PHACTR3: variants seen among roughly 807,000 people sequenced by gnomAD.
The protein encoded by PHACTR3 is protein phosphatase 1, regulatory subunit 123.
In PHACTR3, 16 loss-of-function variants were observed where a neutral mutation model predicts 66.8. That is an observed-to-expected ratio of 0.24 (90% CI 0.16 to 0.36). The LOEUF (loss-of-function observed/expected upper bound fraction) is 0.36. Among genes scored for constraint, PHACTR3 ranks in the 10% least tolerant of loss-of-function variants. PHACTR3 has a pLI of 1.00. For synonymous variants in PHACTR3, 323 were observed against 292.1 expected (o/e 1.11, Z -1.08); for missense variants, 647 against 719.9 (o/e 0.90, Z 1.16).
intron 5 of PHACTR3, among the ~76,000 whole-genome samples, chr20:59,772,415 G>A (rs1157402219): frequency 6.6e-6 from 1 of 152,204 alleles, no homozygotes; most frequent in African/African-American, 2.4e-5. Context: ...GAAACAGACT[G>A]GGCAGCGTGA....
chr20:59,614,397 C>T (rs2033959230), intron 1 of PHACTR3, among the ~76,000 whole-genome samples: 1 of 152,236 alleles, frequency 6.6e-6, no homozygotes, highest in Non-Finnish European at 1.5e-5. Flanking sequence ...AGAGAATCAG[C>T]TGTCTGTAGA....
At chr20:59,746,102 C>T (rs1325863457) in intron 2 of PHACTR3, among the ~76,000 whole-genome samples, 2 of 152,218 alleles carry the variant, frequency 1.3e-5, no homozygotes, top group African/African-American at 4.8e-5. Flanking sequence ...AATTCTGGCA[C>T]CTGGAAATTG....
At chr20:59,712,263 A>G (rs972473106) in intron 1 of PHACTR3, among the ~76,000 whole-genome samples, 1 of 152,178 alleles carries the variant, frequency 6.6e-6, no homozygotes, top group Non-Finnish European at 1.5e-5. Context: ...ATATCTGATT[A>G]TGATTCTGCT....
intron 5 of PHACTR3, among the ~76,000 whole-genome samples, chr20:59,768,698 GC>G (rs1248906831): frequency 6.6e-6 from 1 of 152,246 alleles, no homozygotes; most frequent in African/African-American, 2.4e-5. Flanking sequence ...CCAGCCCTTG[GC>G]TCTTTTCTGG....
intron 1 of PHACTR3, among the ~76,000 whole-genome samples, chr20:59,712,577 C>T (rs74513025): frequency 0.034 from 5,176 of 152,140 alleles, 139 homozygotes; most frequent in Non-Finnish European, 0.049. Flanking sequence ...TTCTTGAGGA[C>T]GGGACTCAAT....
chr20:59,623,180 C>T (rs751234865), intron 1 of PHACTR3, among the ~76,000 whole-genome samples: 2 of 151,768 alleles, frequency 1.3e-5, no homozygotes, highest in South Asian at 2.1e-4. Flanking sequence ...AAGTAGAACG[C>T]GCGCATGTTG....
chr20:59,753,159 A>C (rs546820991), intron 3 of PHACTR3, among the ~76,000 whole-genome samples: 1 of 152,050 alleles, frequency 6.6e-6, no homozygotes, highest in African/African-American at 2.4e-5. Context: ...AATTAAAAAA[A>C]AAAAATCAAG....
Position 59,847,469 on chromosome 20 carries a change from C to G in PHACTR3, c.*339C>G. 4.4e-6 allele frequency: 1 copy of G among 228,708 alleles called. No homozygotes were observed. The highest frequency in any genetic ancestry group is 8.4e-5 in the East Asian group (1 of 11,942). 14.2% of individuals were successfully genotyped at this position (228,708 alleles called of 1,614,324 possible). On this transcript the variant is annotated 3_prime_UTR_variant, in exon 13 of 13. Transcript: ENST00000371015. The stretch of plus-strand genomic sequence containing the variant: ...GACGGGCAACGTGCATGTGCAGGCT[C>G]ACCACTCCCAGGCCTCTGACATGAG...
At chr20:59,667,375 C>T (rs1255743168) in intron 1 of PHACTR3, among the ~76,000 whole-genome samples, 1 of 152,234 alleles carries the variant, frequency 6.6e-6, no homozygotes, top group Non-Finnish European at 1.5e-5. Context: ...GCATTTGCTC[C>T]AGTGTACTCT....
chr20:59,803,452 A>T (rs560525188), intron 7 of PHACTR3, among the ~76,000 whole-genome samples: 3 of 152,298 alleles, frequency 2.0e-5, no homozygotes, highest in Admixed American at 6.5e-5. Context: ...GAAACTATAT[A>T]AAAAATAAAA....
Position 59,604,878 on chromosome 20 carries a change from T to TG in PHACTR3, c.-137_-136insG. On this transcript the variant is annotated 5_prime_UTR_variant, in exon 1 of 13. Transcript: ENST00000371015. ...CTCCAGCTCGTTTCCTTTCCCGGCC[T>TG]TTTTTTTTTTTTTTTTTTTTTAATT... 1.7e-5 allele frequency: 3 copies of TG among 177,956 alleles called. No individual in the cohort carries two copies. Among genetic ancestry groups the TG allele is most frequent in the East Asian group, 5.1e-4 (2 of 3,912 alleles). The allele number at this position is 177,956 out of a possible 1,614,324, so 11.0% of individuals were successfully genotyped here. A position where few individuals can be genotyped will look rare whatever the true frequency, so the allele number is the denominator to read the frequency against.
At chr20:59,702,824 C>T (rs927564118) in intron 1 of PHACTR3, among the ~76,000 whole-genome samples, 2 of 152,196 alleles carry the variant, frequency 1.3e-5, no homozygotes, top group South Asian at 2.1e-4. Flanking sequence ...AGCACATCTC[C>T]AATGATGAGG....
intron 1 of PHACTR3, among the ~76,000 whole-genome samples, chr20:59,580,645 T>G (rs1254465046): frequency 1.3e-5 from 2 of 152,028 alleles, no homozygotes; most frequent in Non-Finnish European, 2.9e-5. Context: ...CAGCTGATGC[T>G]CATTAAAAGT....
chr20:59,680,531 A>G (rs1215939767), intron 1 of PHACTR3, among the ~76,000 whole-genome samples: 1 of 152,096 alleles, frequency 6.6e-6, no homozygotes, highest in Non-Finnish European at 1.5e-5. Flanking sequence ...CCCTCCTCCT[A>G]ACAGCCCTCA....
intron 8 of PHACTR3, among the ~76,000 whole-genome samples, chr20:59,818,239 C>G (rs1307699412): frequency 6.6e-6 from 1 of 152,206 alleles, no homozygotes; most frequent in Non-Finnish European, 1.5e-5. Flanking sequence ...CACCTCCTGA[C>G]ATGCGCCTTA....
intron 1 of PHACTR3, among the ~76,000 whole-genome samples, chr20:59,721,602 C>A (rs1344489251): frequency 6.6e-6 from 1 of 152,122 alleles, no homozygotes; most frequent in South Asian, 2.1e-4. Flanking sequence ...AGGCAAAGTG[C>A]GTGTAAAGTT....
chr20:59,634,651 C>T (rs963254596), intron 1 of PHACTR3, among the ~76,000 whole-genome samples: 3 of 152,210 alleles, frequency 2.0e-5, no homozygotes, highest in Non-Finnish European at 2.9e-5. Flanking sequence ...AAAAGAATCG[C>T]TGCTCCCTGC....
chr20:59,772,736 G>C (rs1181277377), intron 5 of PHACTR3, among the ~76,000 whole-genome samples: 1 of 152,212 alleles, frequency 6.6e-6, no homozygotes, highest in African/African-American at 2.4e-5. Context: ...AGGAAGATGG[G>C]AGAGTGATCC....
At chr20:59,741,468 C>T (rs1361458973) in intron 1 of PHACTR3, among the ~76,000 whole-genome samples, 2 of 152,130 alleles carry the variant, frequency 1.3e-5, no homozygotes, top group East Asian at 3.9e-4. Context: ...GAAGAAACGT[C>T]CCTTCCCTGT....
Sources: gnomAD v4.1 joint callset for allele counts (sites outside exome capture counted in the v4.1 genomes callset) on GRCh38, gnomAD v4.1.1 for gene constraint, MANE v1.5 for transcripts, NCBI Gene and HGNC (gene_info 2026-07-23, HGNC 2026-07-21) for gene names.